Variants in RSU1 observed in about 807,000 individuals in gnomAD.
RSU1 encodes the protein rsu-1.
In RSU1, 26 loss-of-function variants were observed where a neutral mutation model predicts 31.1. The ratio of observed to expected loss-of-function variants is 0.84; its 90% CI spans 0.61 to 1.16. The LOEUF (loss-of-function observed/expected upper bound fraction) is 1.16, where lower values mean the gene tolerates loss of function less well. Among genes scored for constraint, RSU1 ranks in the 50% most tolerant of loss-of-function variants. The probability of loss-of-function intolerance (pLI) is 0.00; values close to 1 mark genes in which losing one functional copy is unlikely to be tolerated. For missense variants in RSU1, 320 were observed against 339.1 expected, an observed-to-expected ratio of 0.94 and a Z score of 0.44; for synonymous variants, 164 against 136.3, an observed-to-expected ratio of 1.20 and a Z score of -1.41.
At chr10:16,775,627 T>C (rs1353634255) in intron 3 of RSU1, among the ~76,000 whole-genome samples, 2 of 152,182 alleles carry the variant, frequency 1.3e-5, no homozygotes. Context: ...TCTGGGTTCC[T>C]GGGTCAACAG....
At chr10:16,665,960 T>A (rs941362692) in intron 8 of RSU1, among the ~76,000 whole-genome samples, 1 of 152,212 alleles carries the variant, frequency 6.6e-6, no homozygotes, top group Non-Finnish European at 1.5e-5. Flanking sequence ...AGCTAGTCAA[T>A]TGTGAACCTG....
chr10:16,602,810 C>A (rs2131459409), intron 8 of RSU1, among the ~76,000 whole-genome samples: 1 of 152,256 alleles, frequency 6.6e-6, no homozygotes, highest in Non-Finnish European at 1.5e-5. Context: ...TGCTTCTAAT[C>A]TGTAATCTTC....
At chr10:16,654,977 T>C (rs1458280119) in intron 8 of RSU1, among the ~76,000 whole-genome samples, 2 of 145,972 alleles carry the variant, frequency 1.4e-5, no homozygotes, top group East Asian at 4.0e-4. Context: ...GGTGGGAGGA[T>C]CACTTGAGCC....
At chr10:16,741,902 C>T (rs1836761990) in intron 7 of RSU1, among the ~76,000 whole-genome samples, 1 of 152,000 alleles carries the variant, frequency 6.6e-6, no homozygotes, top group Admixed American at 6.6e-5. Flanking sequence ...GCAGCTGTTT[C>T]TTTCTTTCAA....
intron 8 of RSU1, among the ~76,000 whole-genome samples, chr10:16,610,810 C>T (rs1223740293): frequency 6.6e-6 from 1 of 152,148 alleles, no homozygotes; most frequent in African/African-American, 2.4e-5. Flanking sequence ...CTGTCTTCTA[C>T]AAAACTGGTG....
At chr10:16,808,335 T>C (rs544231706) in intron 2 of RSU1, among the ~76,000 whole-genome samples, 55 of 151,824 alleles carry the variant, frequency 3.6e-4, no homozygotes, top group African/African-American at 1.0e-3. Flanking sequence ...ATTAAAAAAA[T>C]TCGCCAGGCG....
At chr10:16,626,243 G>A (rs1016316024) in intron 8 of RSU1, among the ~76,000 whole-genome samples, 1 of 151,808 alleles carries the variant, frequency 6.6e-6, no homozygotes, top group East Asian at 1.9e-4. Flanking sequence ...TAGAGACAGG[G>A]TCTCCCTATG....
At position 16,770,877 on chromosome 10, in the gene RSU1, C is replaced by T. The variant is rs557600334; in HGVS notation, c.161-6367G>A. On this transcript the variant is annotated intron_variant, in intron 3 of 8. Transcript: ENST00000345264. ...CCACCAATCCTTGGGCCAAAGAGTC[C>T]CCAAAGAAACTACATAGAATGAGTC... Among the ~76,000 whole-genome samples, 23 of 151,504 alleles carry T rather than the reference C, an allele frequency of 1.5e-4. No individual in the cohort carries two copies. In the East Asian group the frequency reaches 4.5e-3, roughly 29 times the overall value.
At chr10:16,749,777 C>T (rs1356613766) in intron 7 of RSU1, among the ~76,000 whole-genome samples, 1 of 152,226 alleles carries the variant, frequency 6.6e-6, no homozygotes, top group South Asian at 2.1e-4. Flanking sequence ...GCTCACATGC[C>T]GGCAAAGCCC....
At chr10:16,706,226 A>G (rs1452595057) in intron 7 of RSU1, among the ~76,000 whole-genome samples, 1 of 152,212 alleles carries the variant, frequency 6.6e-6, no homozygotes, top group Non-Finnish European at 1.5e-5. Flanking sequence ...TTCCATTTCC[A>G]CCAACAGTGC....
chr10:16,676,210 C>A (rs1397393169), intron 8 of RSU1, among the ~76,000 whole-genome samples: 1 of 152,132 alleles, frequency 6.6e-6, no homozygotes. Flanking sequence ...AAGAAATACC[C>A]ACGACTGAGT....
At chr10:16,698,715 G>A (rs983175147) in intron 7 of RSU1, among the ~76,000 whole-genome samples, 4 of 152,202 alleles carry the variant, frequency 2.6e-5, no homozygotes, top group African/African-American at 7.2e-5. Context: ...CACAGGAGAC[G>A]CTGGATGCAA....
At chr10:16,682,720 C>A (rs1835353870) in intron 8 of RSU1, among the ~76,000 whole-genome samples, 1 of 152,122 alleles carries the variant, frequency 6.6e-6, no homozygotes. Context: ...CTGGATCTTT[C>A]TTGTGCAAAA....
intron 4 of RSU1, among the ~76,000 whole-genome samples, chr10:16,759,722 T>G (rs1352952143): frequency 6.6e-6 from 1 of 152,182 alleles, no homozygotes; most frequent in Non-Finnish European, 1.5e-5. Context: ...GCTTCACACT[T>G]TTTGGAAAAT....
chr10:16,752,416 A>T, intron 7 of RSU1, 123 bp downstream of exon 7: 1 of 708,752 alleles, frequency 1.4e-6, no homozygotes, highest in South Asian at 1.7e-5. Flanking sequence ...TCAAATGATC[A>T]GCATCGTGTG....
chr10:16,762,432 G>T (rs1471195525), intron 4 of RSU1, among the ~76,000 whole-genome samples: 1 of 151,362 alleles, frequency 6.6e-6, no homozygotes, highest in Non-Finnish European at 1.5e-5. Flanking sequence ...GGATAGAATA[G>T]CCTGTAAAAC....
chr10:16,627,470 T>C (rs1419362928), intron 8 of RSU1, among the ~76,000 whole-genome samples: 2 of 152,234 alleles, frequency 1.3e-5, no homozygotes, highest in African/African-American at 4.8e-5. Flanking sequence ...GTAACAATTA[T>C]TGGCCAGGCA....
intron 2 of RSU1, among the ~76,000 whole-genome samples, chr10:16,803,081 T>A (rs1269720718): frequency 6.6e-6 from 1 of 152,092 alleles, no homozygotes; most frequent in South Asian, 2.1e-4. Flanking sequence ...AAAGGATGAA[T>A]TAAAACTGTC....
In RSU1 at chr10:16,592,977, A is replaced by C; in HGVS notation, c.*417T>G. 6.5e-6 allele frequency: 1 copy of C among 153,992 alleles called. No individual in the cohort carries two copies. Among genetic ancestry groups the C allele is most frequent in the Non-Finnish European group, 1.4e-5 (1 of 69,364 alleles). The allele number at this position is 153,992 out of a possible 1,614,324, so 9.5% of individuals were successfully genotyped here. A position where few individuals can be genotyped will look rare whatever the true frequency, so the allele number is the denominator to read the frequency against. ...ATTAGCATATCTCGGTGGTGAAGGA[A>C]GACTTTTAATAAAGCAAAATAATGA... On this transcript the variant is annotated 3_prime_UTR_variant, in exon 9 of 9. Coordinates refer to ENST00000345264, the MANE Select transcript of RSU1 (RefSeq NM_012425.4).
Sources: allele counts gnomAD v4.1 joint callset (sites outside exome capture counted in the v4.1 genomes callset), GRCh38; gene constraint gnomAD v4.1.1; transcripts MANE v1.5; gene names NCBI Gene and HGNC (gene_info 2026-07-23, HGNC 2026-07-21).